HOOK3: variants seen among roughly 807,000 people sequenced by gnomAD.
The protein encoded by HOOK3 is hook microtubule tethering protein 3.
In HOOK3, 24 loss-of-function variants were observed where a neutral mutation model predicts 116.3. That is an observed-to-expected ratio of 0.21 (90% CI 0.15 to 0.29). The LOEUF (loss-of-function observed/expected upper bound fraction) is 0.29. Ranked by LOEUF, HOOK3 falls within the 10% of genes least tolerant of loss-of-function variation. The pLI is 1.00. For missense variants in HOOK3, 632 were observed against 830.2 expected (o/e 0.76, Z 2.93); for synonymous variants, 275 against 283.0 (o/e 0.97, Z 0.28).
chr8:43,001,394 A>G (rs1809378101), intron 16 of HOOK3, among the ~76,000 whole-genome samples: 1 of 152,274 alleles, frequency 6.6e-6, no homozygotes, highest in Non-Finnish European at 1.5e-5. Context: ...GACTGAATTA[A>G]TTATATAACC....
intron 6 of HOOK3, among the ~76,000 whole-genome samples, chr8:42,951,370 T>C (rs968527113): frequency 2.6e-5 from 4 of 152,274 alleles, no homozygotes; most frequent in East Asian, 3.9e-4. Flanking sequence ...CCAAATAATA[T>C]CTATCTTAAA....
intron 15 of HOOK3, among the ~76,000 whole-genome samples, chr8:42,989,224 T>G (rs1424644718): frequency 6.6e-6 from 1 of 152,220 alleles, no homozygotes; most frequent in Non-Finnish European, 1.5e-5. Flanking sequence ...CAGACTGTGC[T>G]ATAATCTCAA....
Position 42,970,782 on chromosome 8 carries a change from C to CTTTTTTTTTTTT in HOOK3, c.1123-2497_1123-2486dup, listed in dbSNP as rs764513803. Among the ~76,000 whole-genome samples, 58 of 93,858 alleles carry CTTTTTTTTTTTT rather than the reference C, an allele frequency of 6.2e-4. 7 individuals carry two copies. Among genetic ancestry groups the CTTTTTTTTTTTT allele is most frequent in the African/African-American group, 2.5e-3 (58 of 23,078 alleles). 61.6% of individuals were successfully genotyped at this position (93,858 alleles called of 152,430 possible). ...GTAAAGAAATAAAAGGAATTTGGGT[C>CTTTTTTTTTTTT]TTTTTTTTTTTTTTTTTTTTTCTGA... On this transcript the variant is annotated intron_variant, in intron 11 of 21. Transcript: ENST00000307602.
chr8:42,936,236 T>G (rs1807968146), intron 4 of HOOK3, among the ~76,000 whole-genome samples: 1 of 152,232 alleles, frequency 6.6e-6, no homozygotes, highest in South Asian at 2.1e-4. Flanking sequence ...TGCACATTGA[T>G]TTTGTATCCT....
intron 4 of HOOK3, among the ~76,000 whole-genome samples, chr8:42,938,702 A>C (rs865779107): frequency 8.8e-5 from 13 of 148,412 alleles, no homozygotes; most frequent in Admixed American, 1.3e-4. Context: ...CTTTTCTTTT[A>C]TTTATTTATT....
intron 14 of HOOK3, among the ~76,000 whole-genome samples, chr8:42,985,512 G>T (rs921890334): frequency 2.0e-5 from 3 of 152,118 alleles, no homozygotes; most frequent in South Asian, 4.1e-4. Context: ...GAATTAGAAG[G>T]CTATATTTCA....
intron 15 of HOOK3, 139 bp downstream of exon 15, chr8:42,986,934 AT>A: frequency 1.2e-6 from 1 of 830,286 alleles, no homozygotes; most frequent in South Asian, 1.6e-5. Context: ...AGGAGGGCAG[AT>A]CGCTTGAGCT....
intron 17 of HOOK3, among the ~76,000 whole-genome samples, chr8:43,004,850 A>G (rs969923786): frequency 1.3e-5 from 2 of 152,152 alleles, no homozygotes; most frequent in African/African-American, 4.8e-5. Flanking sequence ...TGGACATGCC[A>G]CATACTCTGT....
At chr8:43,003,475 A>G (rs1009984454) in intron 17 of HOOK3, among the ~76,000 whole-genome samples, 5 of 152,228 alleles carry the variant, frequency 3.3e-5, no homozygotes, top group African/African-American at 1.2e-4. Context: ...GGCAAAAAAT[A>G]TAATACCTGT....
chr8:43,008,507 C>T (rs567186719), intron 18 of HOOK3, among the ~76,000 whole-genome samples: 22 of 151,768 alleles, frequency 1.4e-4, no homozygotes, highest in African/African-American at 4.6e-4. Flanking sequence ...TTTGTAGAGA[C>T]GGGATTTTGC....
intron 13 of HOOK3, among the ~76,000 whole-genome samples, chr8:42,979,280 A>G (rs1246252823): frequency 6.6e-6 from 1 of 152,102 alleles, no homozygotes; most frequent in African/African-American, 2.4e-5. Context: ...TCTAAAAGGA[A>G]ATGATCCTTT....
rs1207549612 is a variant in HOOK3, at chr8:43,024,406, A to AT, written c.*5914dup. The AT allele has an allele frequency of 5.4e-6, 1 of 184,794 alleles. No individual in the cohort carries two copies. Among genetic ancestry groups the AT allele is most frequent in the Non-Finnish European group, 1.1e-5 (1 of 87,262 alleles). 11.4% of individuals were successfully genotyped at this position (184,794 alleles called of 1,614,324 possible). A position where few individuals can be genotyped will look rare whatever the true frequency, so the allele number is the denominator to read the frequency against. ...CAGAATCTTTGAAAATTATTTTATC[A>AT]TTTTTTCTATTTTTTCATTTTTATA... is the stretch of plus-strand genomic sequence containing the variant. On this transcript the variant is annotated 3_prime_UTR_variant, in exon 22 of 22. Transcript: ENST00000307602.
intron 14 of HOOK3, among the ~76,000 whole-genome samples, chr8:42,984,125 T>A (rs534175952): frequency 2.0e-5 from 3 of 152,174 alleles, no homozygotes; most frequent in South Asian, 4.1e-4. Flanking sequence ...CCTAGCACTT[T>A]GGGAGGCCAA....
In HOOK3 at chr8:42,915,013, A is replaced by T. The variant is rs1807503940; in HGVS notation, c.143+8755A>T. Among the ~76,000 whole-genome samples, 5 of 152,192 alleles carry T rather than the reference A, an allele frequency of 3.3e-5. No individual in the cohort carries two copies. The South Asian group carries it at 1.0e-3, about 31-fold the overall frequency. On this transcript the variant is annotated intron_variant, in intron 2 of 21. Coordinates refer to ENST00000307602, the MANE Select transcript of HOOK3 (RefSeq NM_032410.4). ...AGAAATTACTCATAAAAGTTGAAAG[A>T]GGCCAAGAGCCAGATGCCGACTTTA...
At position 42,928,585 on chromosome 8, in the gene HOOK3, C is replaced by G. The variant is rs867578541; in HGVS notation, c.217-1537C>G. Among the ~76,000 whole-genome samples the G allele has an allele frequency of 1.6e-4, 24 of 152,304 alleles. 1 individual carries two copies. The highest frequency in any genetic ancestry group is 5.3e-4 in the African/African-American group (22 of 41,562). On this transcript the variant is annotated intron_variant, in intron 3 of 21. Coordinates refer to ENST00000307602, the MANE Select transcript of HOOK3 (RefSeq NM_032410.4). ...GAGTTGTATATCTCCTCCCAGCAGG[C>G]ACACAGATAGATACACATATACTGT... is the stretch of plus-strand genomic sequence containing the variant.
intron 2 of HOOK3, among the ~76,000 whole-genome samples, chr8:42,919,480 C>G (rs1807606088): frequency 2.0e-5 from 3 of 151,226 alleles, no homozygotes; most frequent in Admixed American, 1.3e-4. Context: ...GGCAGAGGGG[C>G]TCCTCACATC....
chr8:42,928,161 C>T (rs1405071761), intron 3 of HOOK3, among the ~76,000 whole-genome samples: 4 of 152,134 alleles, frequency 2.6e-5, no homozygotes, highest in Non-Finnish European at 5.9e-5. Context: ...CGCCTATAGT[C>T]CCAGCTACTC....
At chr8:42,930,639 A>G (rs922752949) in intron 4 of HOOK3, among the ~76,000 whole-genome samples, 2 of 152,196 alleles carry the variant, frequency 1.3e-5, no homozygotes, top group African/African-American at 2.4e-5. Context: ...AAAGATGCCA[A>G]ATGGACACAA....
rs555157160 is a variant in HOOK3, at chr8:43,026,122, T to G, written c.*7624T>G. ...AACACTTGAGTGGTAACTAGCTTGA[T>G]GAAGGAAAATAATTACTTTAGCAGT... On this transcript the variant is annotated 3_prime_UTR_variant, in exon 22 of 22. Transcript: ENST00000307602. 4.8e-6 allele frequency: 1 copy of G among 207,782 alleles called. No individual in the cohort carries two copies. Among genetic ancestry groups the G allele is most frequent in the Non-Finnish European group, 9.8e-6 (1 of 102,188 alleles). 12.9% of individuals were successfully genotyped at this position (207,782 alleles called of 1,614,324 possible).
Sources: allele counts gnomAD v4.1 joint callset (sites outside exome capture counted in the v4.1 genomes callset), GRCh38; gene constraint gnomAD v4.1.1; transcripts MANE v1.5; gene names NCBI Gene and HGNC (gene_info 2026-07-23, HGNC 2026-07-21).